Variants in FGF2 observed in about 807,000 individuals in gnomAD.
FGF2 encodes basic fibroblast growth factor bFGF.
In FGF2, 13 loss-of-function variants were observed where a neutral mutation model predicts 15.9. The observed-to-expected ratio is 0.82, with a 90% CI of 0.53 to 1.30. The LOEUF (loss-of-function observed/expected upper bound fraction) is 1.30, where lower values mean the gene tolerates loss of function less well. Ranked by LOEUF, FGF2 falls within the 50% of genes most tolerant of loss-of-function variation. The pLI, the probability that FGF2 is intolerant of heterozygous loss-of-function variation, is 0.00. For missense variants in FGF2, 163 were observed against 196.9 expected (o/e 0.83, Z 1.03); for synonymous variants, 90 against 78.4 (o/e 1.15, Z -0.78).
chr4:122,880,910 A>T (rs1246668700), intron 2 of FGF2, among the ~76,000 whole-genome samples: 1 of 152,170 alleles, frequency 6.6e-6, no homozygotes, highest in African/African-American at 2.4e-5. Context: ...ACCCTGCGCA[A>T]ACTTCTGCCT....
chr4:122,864,348 T>TCTACTAAAAATACAAAAAATTAGC (rs1726530308), intron 1 of FGF2, among the ~76,000 whole-genome samples: 1 of 152,222 alleles, frequency 6.6e-6, no homozygotes, highest in African/African-American at 2.4e-5. Context: ...CTGTTGTGTG[T>TCTACTAAAAATACAAAAAATTAGC]CGGGCAGTGT....
Position 122,897,481 on chromosome 4 carries a change from T to C in FGF2, c.*5085T>C, listed in dbSNP as rs1472186064. Reference sequence around the variant, plus strand: ...AAATTATGCTGCTAATTATATCAGCTCTGAGGTAATTTCTGAAATGTTCAG... The same window carrying C: ...AAATTATGCTGCTAATTATATCAGCCCTGAGGTAATTTCTGAAATGTTCAG... On this transcript the variant is annotated 3_prime_UTR_variant, in exon 3 of 3. Transcript: ENST00000644866. 7.4e-6 allele frequency: 5 copies of C among 673,976 alleles called. No individual in the cohort carries two copies. The highest frequency in any genetic ancestry group is 1.3e-5 in the Non-Finnish European group (5 of 373,488). The allele number at this position is 673,976 out of a possible 1,614,324, so 41.7% of individuals were successfully genotyped here. A position where few individuals can be genotyped will look rare whatever the true frequency, so the allele number is the denominator to read the frequency against.
rs753911225 is a variant in FGF2 at position 122,827,239 on chromosome 4, C to A, written c.65C>A (p.Pro22Gln). 1.2e-6 allele frequency: 2 copies of A among 1,611,946 alleles called. No individual in the cohort carries two copies. The highest frequency in any genetic ancestry group is 2.7e-5 in the African/African-American group (2 of 75,020). ...LPEDGGSGAF[P>Q]PGHFKDPKRL... Reference sequence around the variant, plus strand: ...GAGGATGGCGGCAGCGGCGCCTTCCCGCCCGGCCACTTCAAGGACCCCAAG... The same window carrying A: ...GAGGATGGCGGCAGCGGCGCCTTCCAGCCCGGCCACTTCAAGGACCCCAAG... The change falls in exon 1 of 3, where the codon CCG (proline) becomes CAG (glutamine). Residue 22 changes from proline to glutamine, a missense_variant. Pro to Gln is a moderately conservative substitution (Grantham distance 76). Transcript: ENST00000644866. The surrounding 1 kb of genome is among the most constrained non-coding windows in gnomAD (Gnocchi z 4.2).
At chr4:122,845,578 A>G (rs1045769539) in intron 1 of FGF2, among the ~76,000 whole-genome samples, 1 of 152,230 alleles carries the variant, frequency 6.6e-6, no homozygotes. Flanking sequence ...TAGCTTCTAC[A>G]TCAGCACTGT....
Position 122,874,672 on chromosome 4 carries a change from GC to G in FGF2, c.179-1648del, listed in dbSNP as rs545555025. 4.1e-4 allele frequency among the ~76,000 whole-genome samples: 62 copies of G among 151,924 alleles called. 1 individual carries two copies. The South Asian group carries it at 0.013, about 32-fold the overall frequency. ...AAATAATATATTAGCTTATTTTAAA[GC>G]TAATCCCAGATATTATGTTTCATTT... On this transcript the variant is annotated intron_variant, in intron 1 of 2. Transcript: ENST00000644866.
intron 1 of FGF2, among the ~76,000 whole-genome samples, chr4:122,843,424 A>G (rs1412989722): frequency 2.0e-5 from 3 of 152,198 alleles, no homozygotes; most frequent in East Asian, 1.9e-4. Context: ...TCTTTATCCT[A>G]GAAGTGGTGG....
At chr4:122,850,812 A>G (rs1008430276) in intron 1 of FGF2, among the ~76,000 whole-genome samples, 2 of 152,150 alleles carry the variant, frequency 1.3e-5, no homozygotes, top group African/African-American at 4.8e-5. Flanking sequence ...CAGGGGAAGG[A>G]AACACATTCA....
Position 122,830,816 on chromosome 4 carries a change from C to CAAAAAAAA in FGF2, c.178+3481_178+3488dup, listed in dbSNP as rs35597051. On this transcript the variant is annotated intron_variant, in intron 1 of 2. Coordinates refer to ENST00000644866, the MANE Select transcript of FGF2 (RefSeq NM_001361665.2). ...AATTTATTCCAGGTGCTCTTATTTA[C>CAAAAAAAA]AAAAAAAAAAAAAAAAAAAAAAAAT... Among the ~76,000 whole-genome samples the CAAAAAAAA allele has an allele frequency of 2.3e-3, 209 of 92,814 alleles. 8 individuals are homozygous for CAAAAAAAA. The highest frequency in any genetic ancestry group is 0.012 in the East Asian group (32 of 2,764). 60.9% of individuals were successfully genotyped at this position (92,814 alleles called of 152,430 possible).
chr4:122,860,447 C>CTTTT (rs34541038), intron 1 of FGF2, among the ~76,000 whole-genome samples: 1,532 of 90,848 alleles, frequency 0.017, 55 homozygotes, highest in Middle Eastern at 0.039. Context: ...CTAAGGTTAA[C>CTTTT]TTTTTTTTTT....
intron 1 of FGF2, among the ~76,000 whole-genome samples, chr4:122,872,794 G>A (rs185304339): frequency 6.6e-6 from 1 of 152,170 alleles, no homozygotes; most frequent in South Asian, 2.1e-4. Context: ...AAGCGAAGGA[G>A]AAATAAAATC....
At chr4:122,848,206 G>A (rs1726155483) in intron 1 of FGF2, among the ~76,000 whole-genome samples, 1 of 152,184 alleles carries the variant, frequency 6.6e-6, no homozygotes, top group African/African-American at 2.4e-5. Flanking sequence ...GTTCAGTTTT[G>A]CTTTGAGCCT....
chr4:122,832,620 T>G (rs1414752863), intron 1 of FGF2, among the ~76,000 whole-genome samples: 2 of 152,246 alleles, frequency 1.3e-5, no homozygotes, highest in Admixed American at 6.5e-5. Flanking sequence ...ATTTTTGAGT[T>G]TGTCCTTTTC....
chr4:122,884,821 C>G (rs970451755), intron 2 of FGF2: 1 of 152,210 alleles, frequency 6.6e-6, no homozygotes. Context: ...AGAGGAGGTG[C>G]TGGGGGGATG....
In FGF2 at chr4:122,826,863, A is replaced by C. The variant is rs1347292841; in HGVS notation, c.-312A>C. On this transcript the variant is annotated 5_prime_UTR_variant, in exon 1 of 3. Coordinates refer to ENST00000644866, the MANE Select transcript of FGF2 (RefSeq NM_001361665.2). Reference sequence around the variant, plus strand: ...TAGCGGACGCGGTGCCCGCGGTTGCAACGGGATCCCGGGCGCTGCAGCTTG... The same window carrying C: ...TAGCGGACGCGGTGCCCGCGGTTGCCACGGGATCCCGGGCGCTGCAGCTTG... 4 of 1,514,122 alleles carry C rather than the reference A, an allele frequency of 2.6e-6. No homozygotes were observed. Among genetic ancestry groups the C allele is most frequent in the Non-Finnish European group, 3.5e-6 (4 of 1,131,458 alleles). The allele number at this position is 1,514,122 out of a possible 1,614,324, so 93.8% of individuals were successfully genotyped here. A position where few individuals can be genotyped will look rare whatever the true frequency, so the allele number is the denominator to read the frequency against.
intron 1 of FGF2, among the ~76,000 whole-genome samples, chr4:122,848,940 G>A (rs753065950): frequency 2.0e-5 from 3 of 152,152 alleles, no homozygotes; most frequent in Non-Finnish European, 4.4e-5. Context: ...GGATTCATGA[G>A]AGTGGGATTA....
intron 2 of FGF2, among the ~76,000 whole-genome samples, chr4:122,876,971 A>C (rs1726861645): frequency 6.6e-6 from 1 of 152,182 alleles, no homozygotes; most frequent in African/African-American, 2.4e-5. Flanking sequence ...ATACTATCTC[A>C]TTGGGATTTT....
chr4:122,888,939 T>C (rs1369456419), intron 2 of FGF2: 1 of 152,254 alleles, frequency 6.6e-6, no homozygotes, highest in Non-Finnish European at 1.5e-5. Context: ...GTTTTGTTCA[T>C]TGATGTGTCT....
At chr4:122,890,089 G>A (rs1000067543) in intron 2 of FGF2, 4 of 152,124 alleles carry the variant, frequency 2.6e-5, no homozygotes, top group South Asian at 2.1e-4. Flanking sequence ...CATAAACCTG[G>A]AATAGAGAAA....
chr4:122,838,639 A>C (rs1725914198), intron 1 of FGF2, among the ~76,000 whole-genome samples: 1 of 152,204 alleles, frequency 6.6e-6, no homozygotes, highest in Non-Finnish European at 1.5e-5. Context: ...ATAATGATTT[A>C]AGCAAATAAT....
Sources: allele counts gnomAD v4.1 joint callset (sites outside exome capture counted in the v4.1 genomes callset), GRCh38; gene constraint gnomAD v4.1.1; non-coding constraint Gnocchi (gnomAD v3.1); transcripts MANE v1.5; gene names NCBI Gene and HGNC (gene_info 2026-07-23, HGNC 2026-07-21).